CADM2: variants seen among roughly 807,000 people sequenced by gnomAD.
The protein encoded by CADM2 is cell adhesion molecule 2, also known as immunoglobulin superfamily member 4D.
A neutral mutation model predicts 49.8 loss-of-function variants in CADM2; 12 were observed. That is an observed-to-expected ratio of 0.24 (90% CI 0.15 to 0.39). The LOEUF (loss-of-function observed/expected upper bound fraction) is 0.39. CADM2 is among the 10% of genes least tolerant of loss of function. The probability of loss-of-function intolerance (pLI) is 1.00; values close to 1 mark genes in which losing one functional copy is unlikely to be tolerated. For missense variants in CADM2, 378 were observed against 492.3 expected, an observed-to-expected ratio of 0.77 and a Z score of 2.20; for synonymous variants, 214 against 175.4, an observed-to-expected ratio of 1.22 and a Z score of -1.74.
At chr3:85,264,090 A>G (rs2043070853) in intron 1 of CADM2, among the ~76,000 whole-genome samples, 1 of 152,058 alleles carries the variant, frequency 6.6e-6, no homozygotes, top group South Asian at 2.1e-4. Flanking sequence ...ATATCCACCT[A>G]TGGGCCTGAC....
chr3:85,066,845 C>T (rs72903365), intron 1 of CADM2, among the ~76,000 whole-genome samples: 11,833 of 152,178 alleles, frequency 0.078, 1,515 homozygotes, highest in African/African-American at 0.27. Flanking sequence ...CCTAGTTTTA[C>T]CTTAAGGTAT....
intron 7 of CADM2, among the ~76,000 whole-genome samples, chr3:85,946,035 A>G (rs1165605977): frequency 2.6e-5 from 4 of 151,988 alleles, no homozygotes; most frequent in South Asian, 2.1e-4. Flanking sequence ...AAACCCCATC[A>G]TCTGAGCCCA....
intron 7 of CADM2, among the ~76,000 whole-genome samples, chr3:85,939,275 C>A (rs940270191): frequency 1.3e-5 from 2 of 152,008 alleles, no homozygotes; most frequent in Admixed American, 1.3e-4. Context: ...TAGAAGCATT[C>A]TATTCTTTCC....
At position 85,598,918 on chromosome 3, in the gene CADM2, G is replaced by C. The variant is rs115164802; in HGVS notation, c.62-127604G>C. Among the ~76,000 whole-genome samples, 977 of 151,224 alleles carry C rather than the reference G, an allele frequency of 6.5e-3. 4 individuals carry two copies. The highest frequency in any genetic ancestry group is 9.1e-3 in the Non-Finnish European group (617 of 67,800). The stretch of plus-strand genomic sequence containing the variant: ...GACATATATATCTTTTAGTCAAAAG[G>C]CATTATCAATATATATAGAAGAACT... On this transcript the variant is annotated intron_variant, in intron 1 of 9. Coordinates refer to ENST00000383699, the MANE Select transcript of CADM2 (RefSeq NM_001167675.2).
At chr3:86,020,676 G>T in intron 8 of CADM2, among the ~76,000 whole-genome samples, 1 of 151,996 alleles carries the variant, frequency 6.6e-6, no homozygotes, top group Non-Finnish European at 1.5e-5. Flanking sequence ...TGCAAGGCTG[G>T]TTCAATATAC....
intron 1 of CADM2, among the ~76,000 whole-genome samples, chr3:85,400,065 G>A (rs910859871): frequency 2.0e-5 from 3 of 152,076 alleles, no homozygotes; most frequent in Non-Finnish European, 4.4e-5. Flanking sequence ...TGCCCATTCA[G>A]TATGATATTG....
chr3:85,041,543 T>G (rs1357279270), intron 1 of CADM2, among the ~76,000 whole-genome samples: 1 of 152,184 alleles, frequency 6.6e-6, no homozygotes, highest in Non-Finnish European at 1.5e-5. Flanking sequence ...TTTTCCACCT[T>G]TATATGTAGT....
intron 1 of CADM2, among the ~76,000 whole-genome samples, chr3:85,119,437 T>G (rs1475027466): frequency 6.6e-6 from 1 of 152,186 alleles, no homozygotes; most frequent in Non-Finnish European, 1.5e-5. Context: ...GTGTGATGCC[T>G]CCAGCTTTGT....
chr3:85,676,677 A>G (rs190238580), intron 1 of CADM2, among the ~76,000 whole-genome samples: 121 of 152,218 alleles, frequency 7.9e-4, no homozygotes, highest in Non-Finnish European at 1.4e-3. Context: ...CACTTATTAT[A>G]GCCTATTCAT....
chr3:85,092,259 G>A (rs1274507681), intron 1 of CADM2, among the ~76,000 whole-genome samples: 2 of 152,104 alleles, frequency 1.3e-5, no homozygotes, highest in African/African-American at 4.8e-5. Context: ...ACTGATGAAT[G>A]ATACATTTAT....
chr3:85,740,621 G>A (rs1195449750), intron 2 of CADM2, among the ~76,000 whole-genome samples: 4 of 151,118 alleles, frequency 2.6e-5, no homozygotes, highest in African/African-American at 4.9e-5. Flanking sequence ...TTCTCTTTTT[G>A]TATCTATGCA....
At chr3:85,283,827 C>A (rs1426498375) in intron 1 of CADM2, among the ~76,000 whole-genome samples, 1 of 152,034 alleles carries the variant, frequency 6.6e-6, no homozygotes, top group African/African-American at 2.4e-5. Context: ...TTGAGGAATA[C>A]CAAGTATAAT....
chr3:85,855,231 A>G (rs924244542), intron 3 of CADM2, among the ~76,000 whole-genome samples: 5 of 152,154 alleles, frequency 3.3e-5, no homozygotes, highest in African/African-American at 7.2e-5. Context: ...ACTAGAACAC[A>G]GTAAAATCAG....
At chr3:85,347,391 T>C (rs932072203) in intron 1 of CADM2, among the ~76,000 whole-genome samples, 5 of 149,226 alleles carry the variant, frequency 3.4e-5, no homozygotes, top group African/African-American at 1.2e-4. Context: ...AAGGACAATA[T>C]TGTACTTTTT....
chr3:85,202,299 T>C (rs2041524481), intron 1 of CADM2, among the ~76,000 whole-genome samples: 2 of 152,138 alleles, frequency 1.3e-5, no homozygotes, highest in Admixed American at 1.3e-4. Context: ...CAATTTACTT[T>C]GACCAGATTT....
intron 1 of CADM2, among the ~76,000 whole-genome samples, chr3:85,681,302 C>A (rs2066033603): frequency 6.6e-6 from 1 of 152,066 alleles, no homozygotes; most frequent in Non-Finnish European, 1.5e-5. Context: ...GTTCATTAGG[C>A]ATGCTGATTA....
At chr3:85,870,690 A>G (rs1247468596) in intron 3 of CADM2, among the ~76,000 whole-genome samples, 1 of 152,196 alleles carries the variant, frequency 6.6e-6, no homozygotes, top group African/African-American at 2.4e-5. Flanking sequence ...TGCTATTGTG[A>G]ATAGTGCTAC....
intron 1 of CADM2, among the ~76,000 whole-genome samples, chr3:85,210,232 G>T (rs528439262): frequency 6.6e-6 from 1 of 152,240 alleles, no homozygotes; most frequent in East Asian, 1.9e-4. Flanking sequence ...CAATTGAAAT[G>T]ATATGTTTTT....
At chr3:85,062,394 T>C (rs2036364228) in intron 1 of CADM2, among the ~76,000 whole-genome samples, 1 of 152,054 alleles carries the variant, frequency 6.6e-6, no homozygotes, top group Non-Finnish European at 1.5e-5. Flanking sequence ...CTTTTATTAA[T>C]AGCAACATTA....
Sources: gnomAD v4.1 joint callset for allele counts (sites outside exome capture counted in the v4.1 genomes callset) on GRCh38, gnomAD v4.1.1 for gene constraint, MANE v1.5 for transcripts, NCBI Gene and HGNC (gene_info 2026-07-23, HGNC 2026-07-21) for gene names.